AMPH: variants seen among roughly 807,000 people sequenced by gnomAD.
AMPH encodes amphiphysin (Stiff-Mann syndrome with breast cancer 128kD autoantigen).
In AMPH, 49 loss-of-function variants were observed where a neutral mutation model predicts 99.1. The ratio of observed to expected loss-of-function variants is 0.49; its 90% CI spans 0.39 to 0.63. The LOEUF is 0.63. Among genes scored for constraint, AMPH ranks in the 20% least tolerant of loss-of-function variants. The pLI, the probability that AMPH is intolerant of heterozygous loss-of-function variation, is 0.00. For synonymous variants in AMPH, 314 were observed against 317.3 expected, an observed-to-expected ratio of 0.99 and a Z score of 0.11; for missense variants, 759 against 863.4, an observed-to-expected ratio of 0.88 and a Z score of 1.52.
chr7:38,468,304 G>T (rs1787744167), intron 7 of AMPH, among the ~76,000 whole-genome samples: 1 of 152,018 alleles, frequency 6.6e-6, no homozygotes, highest in Admixed American at 6.5e-5. Flanking sequence ...TCCTTCTTTT[G>T]TGAATCACCT....
At chr7:38,549,326 C>T (rs540281691) in intron 1 of AMPH, among the ~76,000 whole-genome samples, 37 of 152,232 alleles carry the variant, frequency 2.4e-4, no homozygotes, top group Non-Finnish European at 1.3e-4. Flanking sequence ...TTCATAGGTA[C>T]ATAAGAGACA....
At chr7:38,438,533 C>CAT (rs11384080) in intron 11 of AMPH, among the ~76,000 whole-genome samples, 5 of 151,090 alleles carry the variant, frequency 3.3e-5, no homozygotes, top group Admixed American at 3.3e-4. Flanking sequence ...TCTGCAAGTT[C>CAT]TCCATAAAAT....
At chr7:38,451,305 G>C (rs1356185139) in intron 11 of AMPH, among the ~76,000 whole-genome samples, 1 of 135,914 alleles carries the variant, frequency 7.4e-6, no homozygotes, top group Non-Finnish European at 1.5e-5. Context: ...ACATATATAC[G>C]TGTGTATATA....
intron 11 of AMPH, among the ~76,000 whole-genome samples, chr7:38,451,651 G>A (rs998295756): frequency 3.9e-5 from 6 of 152,026 alleles, no homozygotes; most frequent in African/African-American, 9.7e-5. Flanking sequence ...TAAACATGCC[G>A]ATGTAAACTG....
At chr7:38,517,373 G>GT (rs1434996679) in intron 2 of AMPH, among the ~76,000 whole-genome samples, 1 of 152,202 alleles carries the variant, frequency 6.6e-6, no homozygotes, top group African/African-American at 2.4e-5. Context: ...AGATCTGGCT[G>GT]TTTAAAAGTA....
intron 2 of AMPH, among the ~76,000 whole-genome samples, chr7:38,516,487 A>C (rs1789746760): frequency 6.6e-6 from 1 of 152,206 alleles, no homozygotes; most frequent in African/African-American, 2.4e-5. Flanking sequence ...GAGCTGAGGC[A>C]TGGGAGCCTC....
At chr7:38,576,016 G>A (rs67105345) in intron 1 of AMPH, among the ~76,000 whole-genome samples, 42,415 of 152,054 alleles carry the variant, frequency 0.28, 6,300 homozygotes, top group Non-Finnish European at 0.34. Context: ...AGGAGCCTTC[G>A]AATTCTAAGT....
intron 1 of AMPH, among the ~76,000 whole-genome samples, chr7:38,582,612 G>A (rs1407843449): frequency 6.6e-6 from 1 of 152,178 alleles, no homozygotes; most frequent in Non-Finnish European, 1.5e-5. Flanking sequence ...TTTCTAATAT[G>A]GGAAATACTA....
chr7:38,423,617 G>T (rs1419443612), intron 15 of AMPH, among the ~76,000 whole-genome samples: 2 of 152,118 alleles, frequency 1.3e-5, no homozygotes, highest in Non-Finnish European at 2.9e-5. Context: ...GTTGAAATTG[G>T]AAAGCAGATG....
At position 38,391,960 on chromosome 7, in the gene AMPH, C is replaced by G. The variant is rs555399483; in HGVS notation, c.1666G>C (p.Glu556Gln). ...EPASNHEEEG[E>Q]NEITIGAEPK... ...TCTGCACCTATAGTTATTTCGTTTT[C>G]TCCTTCCTCTTCATGGTTGGAGGCA... Residue 556 changes from glutamate (E) to glutamine (Q), a missense_variant, in exon 19 of 21, where the codon GAA becomes CAA. By Grantham distance (29) the Glu-to-Gln change is conservative. Transcript: ENST00000356264. 3.1e-6 allele frequency: 5 copies of G among 1,611,382 alleles called. No homozygotes were observed. The African/African-American group carries it at 5.3e-5, about 17-fold the overall frequency.
intron 1 of AMPH, among the ~76,000 whole-genome samples, chr7:38,587,452 C>T (rs1456673771): frequency 6.6e-6 from 1 of 152,102 alleles, no homozygotes; most frequent in African/African-American, 2.4e-5. Flanking sequence ...AAAAGGCTCT[C>T]TGATATTTGG....
intron 14 of AMPH, chr7:38,429,422 G>C (rs1184256185): frequency 1.5e-6 from 2 of 1,293,778 alleles, no homozygotes; most frequent in South Asian, 2.5e-5. Context: ...ACCCACCTGA[G>C]GTAACTTCTT....
chr7:38,407,738 T>C (rs767830553), intron 17 of AMPH, among the ~76,000 whole-genome samples: 5 of 152,206 alleles, frequency 3.3e-5, no homozygotes, highest in Non-Finnish European at 7.4e-5. Context: ...TATTCTTCCA[T>C]GGCTATGGAA....
At chr7:38,601,647 C>T (rs1029808432) in intron 1 of AMPH, among the ~76,000 whole-genome samples, 59 of 152,092 alleles carry the variant, frequency 3.9e-4, no homozygotes, top group Non-Finnish European at 1.0e-4. Context: ...TTAACATAGT[C>T]GTATTTTTCA....
intron 15 of AMPH, among the ~76,000 whole-genome samples, chr7:38,424,924 G>A (rs1252139798): frequency 6.6e-6 from 1 of 152,198 alleles, no homozygotes; most frequent in South Asian, 2.1e-4. Flanking sequence ...CAAAATGACA[G>A]TTTCTTGAAG....
intron 17 of AMPH, among the ~76,000 whole-genome samples, chr7:38,409,231 T>C (rs908549542): frequency 5.3e-5 from 8 of 152,248 alleles, no homozygotes; most frequent in Non-Finnish European, 1.2e-4. Context: ...CATTGCCTTT[T>C]CTTGCCCATC....
intron 17 of AMPH, among the ~76,000 whole-genome samples, chr7:38,401,543 C>G (rs901673112): frequency 1.3e-4 from 20 of 152,152 alleles, no homozygotes; most frequent in African/African-American, 4.8e-4. Context: ...TGCTGCTTTC[C>G]TACATGACCA....
intron 9 of AMPH, 108 bp downstream of exon 9, chr7:38,465,359 C>T (rs2129009958): frequency 1.1e-6 from 1 of 920,576 alleles, no homozygotes; most frequent in East Asian, 2.9e-5. Flanking sequence ...GGTGAAAAGG[C>T]TCCTGTGGGA....
At chr7:38,431,528 T>C (rs1230786921) in intron 13 of AMPH, among the ~76,000 whole-genome samples, 3 of 151,810 alleles carry the variant, frequency 2.0e-5, no homozygotes, top group South Asian at 2.1e-4. Flanking sequence ...CGGTGGCGGG[T>C]GCCTGTAGTC....
Sources: gnomAD v4.1 joint callset for allele counts (sites outside exome capture counted in the v4.1 genomes callset) on GRCh38, gnomAD v4.1.1 for gene constraint, MANE v1.5 for transcripts, NCBI Gene and HGNC (gene_info 2026-07-23, HGNC 2026-07-21) for gene names.